The following TGM2 variants were observed in gnomAD, a reference collection of about 807,000 sequenced individuals.
TGM2 encodes transglutaminase 2.
TGM2 carries 53 observed loss-of-function variants against 75.6 expected under a neutral mutation model. The ratio of observed to expected loss-of-function variants is 0.70; its 90% CI spans 0.56 to 0.88. The LOEUF (loss-of-function observed/expected upper bound fraction) is 0.88. Among genes scored for constraint, TGM2 ranks in the 40% least tolerant of loss-of-function variants. The pLI is 0.00. For missense variants in TGM2, 842 were observed against 928.5 expected (o/e 0.91, Z 1.21); for synonymous variants, 374 against 381.1 (o/e 0.98, Z 0.22).
upstream of TGM2, chr20:38,165,472 G>T: frequency 1.8e-6 from 1 of 561,160 alleles, no homozygotes; most frequent in Non-Finnish European, 3.1e-6. Flanking sequence ...AGCGGACAGG[G>T]ACACACAACT....
At chr20:38,148,397 G>T (rs967292933) in intron 4 of TGM2, among the ~76,000 whole-genome samples, 4 of 152,090 alleles carry the variant, frequency 2.6e-5, no homozygotes, top group African/African-American at 9.7e-5. Flanking sequence ...GTGTCCCTGG[G>T]GCTCCCCCTC....
chr20:38,155,998 G>C lies in TGM2; in HGVS notation c.282C>G (p.Asp94Glu). 6.2e-7 allele frequency: 1 copy of C among 1,613,756 alleles called. No individual in the cohort carries two copies. The highest frequency in any genetic ancestry group is 1.7e-4 in the Middle Eastern group (1 of 6,056). ...EEGDWTATVV[D>E]QQDCTLSLQL... ...GCAGCGAGAGGGTGCAGTCTTGCTG[G>C]TCCACCACGGTGGCTGTCCAGTCAC... The change falls in exon 3 of 13, where the codon GAC becomes GAG. Residue 94 changes from aspartate (D) to glutamate (E), a missense_variant. Transcript: ENST00000361475.
chr20:38,162,001 T>C (rs956081741), intron 1 of TGM2, among the ~76,000 whole-genome samples: 2 of 152,110 alleles, frequency 1.3e-5, no homozygotes, highest in East Asian at 3.9e-4. Context: ...CCAGCTAATT[T>C]CTTCATTTTT....
chr20:38,165,333 G>T, upstream of TGM2: 1 of 1,348,654 alleles, frequency 7.4e-7, no homozygotes, highest in East Asian at 2.4e-5. Context: ...GCGGGGCCCC[G>T]CGGGAAGGCG....
At chr20:38,142,393 T>A (rs772828483) in intron 6 of TGM2, among the ~76,000 whole-genome samples, 194 bp from the exon 7 acceptor site, 3 of 152,056 alleles carry the variant, frequency 2.0e-5, no homozygotes, top group Admixed American at 1.3e-4. Flanking sequence ...GCCCCTCACA[T>A]CACAGTTGCC....
At chr20:38,135,519 C>G (rs1287027880) in intron 10 of TGM2, among the ~76,000 whole-genome samples, 1 of 151,716 alleles carries the variant, frequency 6.6e-6, no homozygotes, top group Non-Finnish European at 1.5e-5. Flanking sequence ...CATAGCCTTG[C>G]TGGAGGAGAG....
At chr20:38,139,832 G>T (rs1047891471) in intron 8 of TGM2, among the ~76,000 whole-genome samples, 178 bp from the exon 9 acceptor site, 6 of 152,176 alleles carry the variant, frequency 3.9e-5, no homozygotes, top group African/African-American at 9.7e-5. Context: ...AGGGGCTCTG[G>T]AGCACAACTT....
At position 38,131,349 on chromosome 20, in the gene TGM2, A is replaced by ACCCCCCCCCCC. The variant is rs111895659; in HGVS notation, c.1777-121_1777-120insGGGGGGGGGGG. The ACCCCCCCCCCC allele has an allele frequency of 6.1e-6, 8 of 1,312,806 alleles. No individual in the cohort carries two copies. The African/African-American group carries it at 9.6e-5, about 16-fold the overall frequency. The allele number at this position is 1,312,806 out of a possible 1,614,324, so 81.3% of individuals were successfully genotyped here. ...AGCTGTACCCAGGTCTGCCACGATC[A>ACCCCCCCCCCC]CCCCCCCTCCCCCCACCTCTGTGCC... On this transcript the variant is annotated intron_variant, in intron 11 of 12. Coordinates refer to ENST00000361475, the MANE Select transcript of TGM2 (RefSeq NM_004613.4).
At chr20:38,158,909 C>A (rs1342742013) in intron 2 of TGM2, among the ~76,000 whole-genome samples, 4 of 152,226 alleles carry the variant, frequency 2.6e-5, no homozygotes, top group Non-Finnish European at 4.4e-5. Context: ...GGTATTGTCC[C>A]TCAGGCTTCT....
chr20:38,158,939 T>G (rs1241866303), intron 2 of TGM2, among the ~76,000 whole-genome samples: 2 of 152,196 alleles, frequency 1.3e-5, no homozygotes, highest in Admixed American at 6.5e-5. Context: ...GGGAATTTCT[T>G]GGTTGCTTGG....
rs529411268 is a variant in TGM2 at position 38,130,077 on chromosome 20, C to T, written c.*142G>A. 2.7e-6 allele frequency: 3 copies of T among 1,114,470 alleles called. No homozygotes were observed. Among genetic ancestry groups the T allele is most frequent in the Non-Finnish European group, 3.8e-6 (3 of 779,392 alleles). 69.0% of individuals were successfully genotyped at this position (1,114,470 alleles called of 1,614,324 possible). On this transcript the variant is annotated 3_prime_UTR_variant, in exon 13 of 13. Transcript: ENST00000361475. ...AGGAGGCTGAGATGGGCCAGGGGCA[C>T]ATTCCATTTCCGAGAGCCCCCATAG... is the stretch of plus-strand genomic sequence containing the variant.
chr20:38,165,316 G>T (rs1204669983), upstream of TGM2: 4 of 1,503,988 alleles, frequency 2.7e-6, no homozygotes, highest in Non-Finnish European at 3.6e-6. Context: ...TTTGGGGCGG[G>T]CCGGGGGCGG....
At position 38,165,203 on chromosome 20, in the gene TGM2, G is replaced by A. The variant is rs750146381; in HGVS notation, c.-5C>T. On this transcript the variant is annotated 5_prime_UTR_variant, in exon 1 of 13. Transcript: ENST00000361475. Reference sequence around the variant, plus strand: ...CTGATACTCACCCTCGGCCATGGTCGGGCGGGGGCGGTGGCTCCTTCCACT... The same window carrying A: ...CTGATACTCACCCTCGGCCATGGTCAGGCGGGGGCGGTGGCTCCTTCCACT... The A allele has an allele frequency of 4.3e-6, 7 of 1,613,280 alleles. No homozygotes were observed. The East Asian group carries it at 1.3e-4, about 31-fold the overall frequency.
upstream of TGM2, among the ~76,000 whole-genome samples, chr20:38,167,217 AG>A (rs2075318931): frequency 6.6e-6 from 1 of 152,188 alleles, no homozygotes; most frequent in Non-Finnish European, 1.5e-5. Context: ...TGCAGAACAA[AG>A]GCTGTGTTTC....
intron 2 of TGM2, among the ~76,000 whole-genome samples, chr20:38,159,720 G>A (rs983865893): frequency 1.3e-5 from 2 of 152,130 alleles, no homozygotes; most frequent in African/African-American, 4.8e-5. Context: ...AGCCTTCTGT[G>A]TCCCTGACTC....
intron 3 of TGM2, 39 bp from the exon 4 acceptor site, chr20:38,151,096 C>T (rs372334619): frequency 4.6e-6 from 7 of 1,527,216 alleles, no homozygotes; most frequent in African/African-American, 1.4e-5. Flanking sequence ...TCTGGGTCTG[C>T]GGAGGCCCAG....
chr20:38,142,482 G>C (rs1296817464), intron 6 of TGM2, among the ~76,000 whole-genome samples: 1 of 152,174 alleles, frequency 6.6e-6, no homozygotes, highest in African/African-American at 2.4e-5. Context: ...AGAGGCCGAG[G>C]GGGGCCTGAG....
At chr20:38,148,790 T>A (rs1443260783) in intron 4 of TGM2, among the ~76,000 whole-genome samples, 3 of 152,210 alleles carry the variant, frequency 2.0e-5, no homozygotes, top group Non-Finnish European at 4.4e-5. Context: ...CGCTGCTCTC[T>A]GCAGGGCTCA....
rs41274720 is a variant in TGM2, at chr20:38,156,053, C to G, written c.227G>C (p.Arg76Pro). 1.2e-6 allele frequency: 2 copies of G among 1,613,716 alleles called. No individual in the cohort carries two copies. The highest frequency in any genetic ancestry group is 3.3e-5 in the Admixed American group (2 of 60,018). Residue 76 changes from arginine (R) to proline (P), a missense_variant, in exon 3 of 13, where the codon CGT (arginine) becomes CCT (proline). Coordinates refer to ENST00000361475, the MANE Select transcript of TGM2 (RefSeq NM_004613.4). ...APSQEAGTKARFPLRDAVEEG... is the reference protein window; with the variant it reads ...APSQEAGTKAPFPLRDAVEEG... ...CTCCACAGCATCTCTTAGTGGAAAA[C>G]GGGCCTTGGTCCCGGCCTCCTGGCT...
Sources: allele counts gnomAD v4.1 joint callset (sites outside exome capture counted in the v4.1 genomes callset), GRCh38; gene constraint gnomAD v4.1.1; transcripts MANE v1.5; gene names NCBI Gene and HGNC (gene_info 2026-07-23, HGNC 2026-07-21).